NBAS: variants seen among roughly 807,000 people sequenced by gnomAD.
The protein encoded by NBAS is NBAS subunit of NRZ tethering complex, also known as NAG/BC035112 fusion.
NBAS carries 219 observed loss-of-function variants against 302.5 expected under a neutral mutation model. The observed-to-expected ratio is 0.72, with a 90% CI of 0.65 to 0.81. The LOEUF (loss-of-function observed/expected upper bound fraction) is 0.81, where lower values mean the gene tolerates loss of function less well. Among genes scored for constraint, NBAS ranks in the 30% least tolerant of loss-of-function variants. The pLI, the probability that NBAS is intolerant of heterozygous loss-of-function variation, is 0.00. For missense variants in NBAS, 2,932 were observed against 2,841.6 expected, an observed-to-expected ratio of 1.03 and a Z score of -0.72; for synonymous variants, 1,118 against 1,021.6, an observed-to-expected ratio of 1.09 and a Z score of -1.80.
chr2:14,846,113 A>G, the NBAS span, among the ~76,000 whole-genome samples: 1 of 152,190 alleles, frequency 6.6e-6, no homozygotes, highest in East Asian at 1.9e-4. Context: ...TTAATAATCA[A>G]ACTCTCAAAG....
At chr2:14,807,808 A>G in the NBAS span, among the ~76,000 whole-genome samples, 77 of 152,316 alleles carry the variant, frequency 5.1e-4, 1 homozygote, top group African/African-American at 1.8e-3. Context: ...AGAAATTAAG[A>G]TAGTAACAAA....
chr2:14,995,790 T>C, the NBAS span, among the ~76,000 whole-genome samples: 876 of 152,246 alleles, frequency 5.8e-3, 15 homozygotes, highest in South Asian at 0.033. Context: ...GGCATGATCA[T>C]AGCTCATGGT....
the NBAS span, among the ~76,000 whole-genome samples, chr2:14,959,803 A>T: frequency 6.6e-6 from 1 of 152,192 alleles, no homozygotes; most frequent in Admixed American, 6.5e-5. Context: ...CAAATACAAT[A>T]TTCCCTGAGA....
chr2:15,508,918 G>A (rs1024521947), intron 10 of NBAS, among the ~76,000 whole-genome samples: 2 of 152,114 alleles, frequency 1.3e-5, no homozygotes, highest in African/African-American at 4.8e-5. Context: ...TGGGAGAATC[G>A]CTTGAACCCG....
chr2:15,034,276 G>GAAAAA, the NBAS span, among the ~76,000 whole-genome samples: 1 of 81,988 alleles, frequency 1.2e-5, no homozygotes, highest in East Asian at 2.8e-4. Flanking sequence ...AAGAAAGAAA[G>GAAAAA]AGAGAAAGAA....
chr2:14,899,111 A>C, the NBAS span, among the ~76,000 whole-genome samples: 1 of 152,282 alleles, frequency 6.6e-6, no homozygotes, highest in South Asian at 2.1e-4. Flanking sequence ...CTGTGTTCCC[A>C]AAAAGCAGGA....
chr2:14,793,285 A>G, the NBAS span, among the ~76,000 whole-genome samples: 1 of 152,204 alleles, frequency 6.6e-6, no homozygotes, highest in African/African-American at 2.4e-5. Context: ...GTTGATTAAA[A>G]CAAACAGTCA....
chr2:15,258,720 T>C (rs1377405736), intron 44 of NBAS, among the ~76,000 whole-genome samples: 1 of 152,176 alleles, frequency 6.6e-6, no homozygotes, highest in East Asian at 1.9e-4. Context: ...ATCAAGACAA[T>C]ACGTGCACAG....
At position 15,314,077 on chromosome 2, in the gene NBAS, G is replaced by A. The variant is rs141019512; in HGVS notation, c.4583-4830C>T. ...ATAAAAAACAAGTATTAAAAGGCCG[G>A]GCATGGTGGCTCATGCCTGTAATCC... On this transcript the variant is annotated intron_variant, in intron 38 of 51. Coordinates refer to ENST00000281513, the MANE Select transcript of NBAS (RefSeq NM_015909.4). Among the ~76,000 whole-genome samples, 986 of 152,222 alleles carry A rather than the reference G, an allele frequency of 6.5e-3. 13 individuals carry two copies. The highest frequency in any genetic ancestry group is 0.021 in the African/African-American group (875 of 41,510).
the NBAS span, among the ~76,000 whole-genome samples, chr2:14,860,096 C>T: frequency 6.6e-6 from 1 of 151,992 alleles, no homozygotes; most frequent in African/African-American, 2.4e-5. Flanking sequence ...AAATGCTCAA[C>T]ATCACACTAA....
chr2:14,805,395 C>T, the NBAS span, among the ~76,000 whole-genome samples: 6 of 152,042 alleles, frequency 3.9e-5, no homozygotes, highest in South Asian at 4.1e-4. Flanking sequence ...CAAGATCATG[C>T]GAGGCATTAT....
chr2:14,872,448 G>C, the NBAS span, among the ~76,000 whole-genome samples: 9 of 151,986 alleles, frequency 5.9e-5, no homozygotes, highest in Admixed American at 1.3e-4. Context: ...TGCCTCCTGG[G>C]TTCCAGTGAT....
intron 35 of NBAS, among the ~76,000 whole-genome samples, chr2:15,346,840 T>C (rs1673114033): frequency 6.6e-6 from 1 of 152,238 alleles, no homozygotes; most frequent in Non-Finnish European, 1.5e-5. Context: ...TATGCAATCA[T>C]GACCTTTGCA....
chr2:14,932,037 C>T, the NBAS span, among the ~76,000 whole-genome samples: 10 of 152,270 alleles, frequency 6.6e-5, no homozygotes, highest in Admixed American at 6.5e-4. Flanking sequence ...ATACGTATCA[C>T]CTTACAGCAG....
chr2:14,914,134 G>A, the NBAS span, among the ~76,000 whole-genome samples: 69 of 152,252 alleles, frequency 4.5e-4, no homozygotes, highest in African/African-American at 1.5e-3. Flanking sequence ...ACTACCACGA[G>A]AACAGTATGG....
Position 15,328,205 on chromosome 2 carries a change from G to A in NBAS, c.4455C>T (p.Val1485=), listed in dbSNP as rs771496685. ...FYESVISNPF[V]AESEGTYDTY... ...CTAGACACGCTGTCCTTACCTCAGC[G>A]ACAAAAGGATTTGAGATGACAGATT... Residue 1485 remains valine, a synonymous_variant, in exon 37 of 52, where the codon GTC becomes GTT. Transcript: ENST00000281513. 1.9e-5 allele frequency: 31 copies of A among 1,613,044 alleles called. No individual in the cohort carries two copies. The highest frequency in any genetic ancestry group is 1.7e-4 in the Middle Eastern group (1 of 6,020).
intron 21 of NBAS, among the ~76,000 whole-genome samples, chr2:15,448,813 AG>A (rs1364875793): frequency 3.3e-5 from 5 of 152,198 alleles, no homozygotes; most frequent in Non-Finnish European, 7.3e-5. Flanking sequence ...AATTAGAAAA[AG>A]GGTTTATTTA....
intron 10 of NBAS, among the ~76,000 whole-genome samples, chr2:15,506,087 G>C (rs1201881467): frequency 6.6e-6 from 1 of 152,020 alleles, no homozygotes; most frequent in Non-Finnish European, 1.5e-5. Context: ...AAAAGGAAAT[G>C]AGATAAAAGG....
chr2:14,841,396 C>CAAAG, the NBAS span, among the ~76,000 whole-genome samples: 32,246 of 149,158 alleles, frequency 0.22, 5,582 homozygotes, highest in African/African-American at 0.48. Context: ...GCTAAAGAGA[C>CAAAG]AAGAGCCAAC....
Sources: allele counts gnomAD v4.1 joint callset (sites outside exome capture counted in the v4.1 genomes callset), GRCh38; gene constraint gnomAD v4.1.1; transcripts MANE v1.5; gene names NCBI Gene and HGNC (gene_info 2026-07-23, HGNC 2026-07-21).